Variants in DLEU7 observed in about 807,000 individuals in gnomAD.
The protein encoded by DLEU7 is leukemia-associated protein 7.
A neutral mutation model predicts 16.0 loss-of-function variants in DLEU7; 17 were observed. The ratio of observed to expected loss-of-function variants is 1.06; its 90% CI spans 0.73 to 1.59. The LOEUF is 1.59. DLEU7 is among the 40% of genes most tolerant of loss of function. The pLI, the probability that DLEU7 is intolerant of heterozygous loss-of-function variation, is 0.00. For missense variants in DLEU7, 308 were observed against 314.9 expected (o/e 0.98, Z 0.17); for synonymous variants, 113 against 139.8 (o/e 0.81, Z 1.35).
chr13:50,808,321 G>A (rs1293348057), intron 1 of DLEU7, among the ~76,000 whole-genome samples: 1 of 152,010 alleles, frequency 6.6e-6, no homozygotes, highest in African/African-American at 2.4e-5. Flanking sequence ...AAAGAAATTG[G>A]GGCATCCATG....
intron 1 of DLEU7, among the ~76,000 whole-genome samples, chr13:50,716,705 C>T (rs1002574861): frequency 6.6e-6 from 1 of 152,164 alleles, no homozygotes; most frequent in African/African-American, 2.4e-5. Flanking sequence ...ACATAATGGT[C>T]ATGAAAATAT....
chr13:50,757,578 G>T (rs1874799116), intron 1 of DLEU7, among the ~76,000 whole-genome samples: 1 of 152,142 alleles, frequency 6.6e-6, no homozygotes, highest in Non-Finnish European at 1.5e-5. Context: ...TTCAGTCTAG[G>T]TTTGTTTCTC....
intron 1 of DLEU7, among the ~76,000 whole-genome samples, chr13:50,797,107 G>A (rs1286576265): frequency 1.3e-5 from 2 of 152,192 alleles, no homozygotes; most frequent in African/African-American, 4.8e-5. Flanking sequence ...AGATCCGAAC[G>A]TGGAGTACAT....
downstream of DLEU7, among the ~76,000 whole-genome samples, chr13:50,821,788 T>G (rs535361631): frequency 1.3e-5 from 2 of 151,326 alleles, no homozygotes; most frequent in South Asian, 4.2e-4. Flanking sequence ...TACAATAGGG[T>G]AGGCAGCATA....
chr13:50,768,461 G>C lies in DLEU7; in HGVS notation c.460-55221C>G, dbSNP rs572707174. Reference sequence around the variant, plus strand: ...TCCCCTCACCCCACGACAGGCCCTGGTGTTGATGTTCCCCTTCCTGTGTCC... The same window carrying C: ...TCCCCTCACCCCACGACAGGCCCTGCTGTTGATGTTCCCCTTCCTGTGTCC... On this transcript the variant is annotated intron_variant, in intron 1 of 1. Coordinates refer to the DLEU7 transcript ENST00000400393. Among the ~76,000 whole-genome samples the C allele has an allele frequency of 6.5e-5, 9 of 139,176 alleles. No homozygotes were observed. In the South Asian group the frequency reaches 2.1e-3, roughly 32 times the overall value. 91.3% of individuals were successfully genotyped at this position (139,176 alleles called of 152,430 possible). A position where few individuals can be genotyped will look rare whatever the true frequency, so the allele number is the denominator to read the frequency against.
chr13:50,760,248 T>C lies in DLEU7; in HGVS notation c.460-47008A>G, dbSNP rs554774749. 2.7e-4 allele frequency among the ~76,000 whole-genome samples: 41 copies of C among 152,342 alleles called. 2 individuals are homozygous for C. In the South Asian group the frequency reaches 6.8e-3, roughly 25 times the overall value. On this transcript the variant is annotated intron_variant, in intron 1 of 1. Coordinates refer to the DLEU7 transcript ENST00000400393. ...TCACAGTTAAGGATCCCTTGAATAATATTTGGTCTCATTTTATAAAGCAAG... is the reference window on the plus strand; with the variant it reads ...TCACAGTTAAGGATCCCTTGAATAACATTTGGTCTCATTTTATAAAGCAAG...
At chr13:50,841,198 T>C (rs1315518525) in intron 1 of DLEU7, among the ~76,000 whole-genome samples, 1 of 152,020 alleles carries the variant, frequency 6.6e-6, no homozygotes, top group Non-Finnish European at 1.5e-5. Context: ...TGCAAGACAA[T>C]CCAAGGTCCT....
intron 1 of DLEU7, among the ~76,000 whole-genome samples, chr13:50,800,291 C>T (rs1006933353): frequency 6.6e-6 from 1 of 152,066 alleles, no homozygotes; most frequent in Non-Finnish European, 1.5e-5. Flanking sequence ...ATGCTCAGCC[C>T]GGTTGACTGA....
intron 1 of DLEU7, among the ~76,000 whole-genome samples, chr13:50,738,387 A>T (rs1261200903): frequency 6.6e-6 from 1 of 152,176 alleles, no homozygotes; most frequent in Non-Finnish European, 1.5e-5. Flanking sequence ...TTTATCACTG[A>T]CATTGTTTAG....
At chr13:50,758,858 T>C (rs1375855166) in intron 1 of DLEU7, among the ~76,000 whole-genome samples, 1 of 152,230 alleles carries the variant, frequency 6.6e-6, no homozygotes, top group Non-Finnish European at 1.5e-5. Flanking sequence ...TTTACTTAGC[T>C]ATTGTTTTCT....
At chr13:50,781,332 C>T (rs1481624147) in intron 1 of DLEU7, among the ~76,000 whole-genome samples, 1 of 152,214 alleles carries the variant, frequency 6.6e-6, no homozygotes, top group Non-Finnish European at 1.5e-5. Flanking sequence ...GACCAGCCAT[C>T]AGAGAAATGC....
chr13:50,788,050 A>T (rs2137770816), intron 1 of DLEU7, among the ~76,000 whole-genome samples: 1 of 152,030 alleles, frequency 6.6e-6, no homozygotes. Context: ...GCACCATAGG[A>T]TTCTCCCACA....
intron 1 of DLEU7, among the ~76,000 whole-genome samples, chr13:50,813,673 A>G (rs1369736693): frequency 6.6e-6 from 1 of 152,262 alleles, no homozygotes. Flanking sequence ...AATCACAAAA[A>G]TGGCATTTTA....
chr13:50,808,912 A>G (rs1206724826), intron 1 of DLEU7, among the ~76,000 whole-genome samples: 1 of 152,130 alleles, frequency 6.6e-6, no homozygotes, highest in Non-Finnish European at 1.5e-5. Context: ...TGGAACAAAA[A>G]GGGAAATTAA....
intron 1 of DLEU7, among the ~76,000 whole-genome samples, chr13:50,748,515 G>T (rs1007721198): frequency 3.3e-5 from 5 of 151,972 alleles, no homozygotes; most frequent in Non-Finnish European, 7.4e-5. Context: ...TTTTTTAAAA[G>T]GATAAATATG....
intron 1 of DLEU7, among the ~76,000 whole-genome samples, chr13:50,788,763 G>C (rs991895963): frequency 2.6e-5 from 4 of 152,186 alleles, no homozygotes; most frequent in Admixed American, 6.5e-5. Context: ...GAAATGATGA[G>C]AGATGCTAGG....
chr13:50,769,350 G>T (rs901712869), intron 1 of DLEU7, among the ~76,000 whole-genome samples: 5 of 152,164 alleles, frequency 3.3e-5, no homozygotes, highest in Non-Finnish European at 7.3e-5. Flanking sequence ...TTTTAGTCAA[G>T]AAGTTCTTGC....
chr13:50,759,653 C>G (rs1423635896), intron 1 of DLEU7, among the ~76,000 whole-genome samples: 2 of 152,160 alleles, frequency 1.3e-5, no homozygotes, highest in Non-Finnish European at 2.9e-5. Context: ...CAGTGTCACT[C>G]TCTTAGATCC....
exon 2 of DLEU7, chr13:50,712,165 A>C (rs890711530): frequency 2.0e-5 from 3 of 152,180 alleles, no homozygotes; most frequent in African/African-American, 7.2e-5. Context: ...GATCATTAGC[A>C]AACAACTTCT....
Sources: allele counts gnomAD v4.1 joint callset (sites outside exome capture counted in the v4.1 genomes callset), GRCh38; gene constraint gnomAD v4.1.1; transcripts MANE v1.5; gene names NCBI Gene and HGNC (gene_info 2026-07-23, HGNC 2026-07-21).